CDH13: variants seen among roughly 807,000 people sequenced by gnomAD.
CDH13 encodes cadherin-13.
In CDH13, 24 loss-of-function variants were observed where a neutral mutation model predicts 63.8. The observed-to-expected ratio is 0.38, with a 90% CI of 0.27 to 0.53. The LOEUF is 0.53. Ranked by LOEUF, CDH13 falls within the 20% of genes least tolerant of loss-of-function variation. The pLI, the probability that CDH13 is intolerant of heterozygous loss-of-function variation, is 0.85. For synonymous variants in CDH13, 503 were observed against 355.3 expected, an observed-to-expected ratio of 1.42 and a Z score of -4.67; for missense variants, 1,049 against 903.1, an observed-to-expected ratio of 1.16 and a Z score of -2.07.
At chr16:83,469,310 T>A (rs978140892) in intron 6 of CDH13, among the ~76,000 whole-genome samples, 2 of 152,226 alleles carry the variant, frequency 1.3e-5, no homozygotes, top group African/African-American at 4.8e-5. Context: ...TGTTGCTGTT[T>A]CTCAGGCCCT....
intron 8 of CDH13, among the ~76,000 whole-genome samples, chr16:83,660,075 C>G (rs1414609859): frequency 1.3e-5 from 2 of 152,138 alleles, no homozygotes; most frequent in African/African-American, 4.8e-5. Flanking sequence ...TCAGAAGCCA[C>G]CACGCCCAGC....
At chr16:83,549,668 CAAAA>C (rs558377601) in intron 7 of CDH13, among the ~76,000 whole-genome samples, 3 of 147,012 alleles carry the variant, frequency 2.0e-5, no homozygotes, top group Non-Finnish European at 4.5e-5. Flanking sequence ...CAAAAACAAA[CAAAA>C]AAAATCTGCT....
At chr16:83,540,780 C>G (rs1428294269) in intron 7 of CDH13, among the ~76,000 whole-genome samples, 1 of 152,146 alleles carries the variant, frequency 6.6e-6, no homozygotes, top group Admixed American at 6.5e-5. Context: ...CAGGCATGCA[C>G]CACCACACCC....
chr16:83,665,418 A>G (rs1018467262), intron 8 of CDH13, among the ~76,000 whole-genome samples: 2 of 152,224 alleles, frequency 1.3e-5, no homozygotes, highest in Non-Finnish European at 2.9e-5. Flanking sequence ...TGCATTATTT[A>G]TATCAGTCAC....
intron 9 of CDH13, among the ~76,000 whole-genome samples, chr16:83,674,490 T>A (rs990510207): frequency 6.6e-6 from 1 of 152,226 alleles, no homozygotes; most frequent in Non-Finnish European, 1.5e-5. Flanking sequence ...GATGTTTCAT[T>A]GACCAATGAC....
chr16:83,567,558 G>A (rs1022794585), intron 7 of CDH13, among the ~76,000 whole-genome samples: 3 of 152,116 alleles, frequency 2.0e-5, no homozygotes, highest in African/African-American at 4.8e-5. Flanking sequence ...GCAAGAAATT[G>A]TCTAGACAAG....
chr16:83,692,569 A>G (rs968561260), intron 10 of CDH13, among the ~76,000 whole-genome samples: 1 of 152,204 alleles, frequency 6.6e-6, no homozygotes, highest in African/African-American at 2.4e-5. Flanking sequence ...TGATTGCCTT[A>G]AGGAGAACAA....
chr16:83,227,381 G>A (rs1265360756), intron 5 of CDH13, among the ~76,000 whole-genome samples: 1 of 152,192 alleles, frequency 6.6e-6, no homozygotes, highest in African/African-American at 2.4e-5. Flanking sequence ...TTGATCAGGG[G>A]GCCCTTGTGA....
intron 2 of CDH13, among the ~76,000 whole-genome samples, chr16:83,023,389 A>G (rs1359294444): frequency 1.3e-5 from 2 of 152,094 alleles, no homozygotes; most frequent in Admixed American, 6.6e-5. Context: ...ATCTCCATGT[A>G]CAGTATCTTA....
chr16:83,191,296 C>G (rs887640524), intron 4 of CDH13, among the ~76,000 whole-genome samples: 1 of 146,758 alleles, frequency 6.8e-6, no homozygotes, highest in Non-Finnish European at 1.5e-5. Flanking sequence ...TAGGCCACCT[C>G]TACTGCATGC....
intron 2 of CDH13, among the ~76,000 whole-genome samples, chr16:82,995,783 G>T (rs1469984545): frequency 4.6e-5 from 7 of 152,102 alleles, no homozygotes; most frequent in African/African-American, 1.7e-4. Context: ...CTTCTGATTG[G>T]ATATAACTAG....
chr16:83,728,673 C>T (rs187708688), intron 10 of CDH13, among the ~76,000 whole-genome samples: 8 of 152,258 alleles, frequency 5.3e-5, no homozygotes, highest in South Asian at 4.2e-4. Context: ...CACACAATTA[C>T]GACATGCCGT....
Position 82,901,624 on chromosome 16 carries a change from C to A in CDH13, c.157+43151C>A, listed in dbSNP as rs530432035. 8.7e-4 allele frequency among the ~76,000 whole-genome samples: 132 copies of A among 152,186 alleles called. No homozygotes were observed. In the Middle Eastern group the frequency reaches 0.01, roughly 12 times the overall value. On this transcript the variant is annotated intron_variant, in intron 2 of 13. Coordinates refer to ENST00000567109, the MANE Select transcript of CDH13 (RefSeq NM_001257.5). ...TATAATAATTGCTCAATATATTTTT[C>A]AGTAAGGAATAAAAGAACCAACAAA...
At chr16:82,748,943 A>G (rs574575900) in intron 1 of CDH13, among the ~76,000 whole-genome samples, 50 of 152,336 alleles carry the variant, frequency 3.3e-4, no homozygotes, top group African/African-American at 1.2e-3. Flanking sequence ...GTCCGGTCTC[A>G]GCGATTGATC....
chr16:82,873,677 A>C, intron 2 of CDH13, among the ~76,000 whole-genome samples: 1 of 152,266 alleles, frequency 6.6e-6, no homozygotes, highest in East Asian at 1.9e-4. Flanking sequence ...AGTGCCTGCT[A>C]CATGCAATAT....
rs375903960 is a variant in CDH13, at chr16:82,632,915, A to C, written c.45+5778A>C. On this transcript the variant is annotated intron_variant, in intron 1 of 13. Transcript: ENST00000567109. ...ACAGATCATCAGGCATTAGACTCTCATAAGGAGAAGGCGACCTAGATCCCA... is the reference window on the plus strand; with the variant it reads ...ACAGATCATCAGGCATTAGACTCTCCTAAGGAGAAGGCGACCTAGATCCCA... 1.4e-4 allele frequency among the ~76,000 whole-genome samples: 22 copies of C among 152,274 alleles called. No homozygotes were observed. In the South Asian group the frequency reaches 3.9e-3, roughly 27 times the overall value.
At chr16:83,235,297 C>T (rs2040111858) in intron 5 of CDH13, among the ~76,000 whole-genome samples, 1 of 152,266 alleles carries the variant, frequency 6.6e-6, no homozygotes, top group African/African-American at 2.4e-5. Flanking sequence ...CAGAGAATGA[C>T]GCAGGTCCGA....
intron 2 of CDH13, among the ~76,000 whole-genome samples, chr16:82,884,781 A>G (rs1464889765): frequency 3.3e-5 from 5 of 152,174 alleles, no homozygotes; most frequent in African/African-American, 7.2e-5. Context: ...GCCTTGTCCA[A>G]TTTTTGGATA....
At chr16:82,733,812 T>G (rs980303306) in intron 1 of CDH13, among the ~76,000 whole-genome samples, 3 of 152,208 alleles carry the variant, frequency 2.0e-5, no homozygotes, top group Non-Finnish European at 4.4e-5. Context: ...AAACAAAAAC[T>G]GGATAAAATA....
Sources: gnomAD v4.1 joint callset for allele counts (sites outside exome capture counted in the v4.1 genomes callset) on GRCh38, gnomAD v4.1.1 for gene constraint, MANE v1.5 for transcripts, NCBI Gene and HGNC (gene_info 2026-07-23, HGNC 2026-07-21) for gene names.